Variants in GAK observed in about 807,000 individuals in gnomAD.
The protein encoded by GAK is cyclin-G-associated kinase.
GAK carries 79 observed loss-of-function variants against 143.9 expected under a neutral mutation model. The ratio of observed to expected loss-of-function variants is 0.55; its 90% CI spans 0.46 to 0.66. GAK has a LOEUF of 0.66. Ranked by LOEUF, GAK falls within the 30% of genes least tolerant of loss-of-function variation. The probability of loss-of-function intolerance (pLI) is 0.00; values close to 1 mark genes in which losing one functional copy is unlikely to be tolerated. For missense variants in GAK, 1,693 were observed against 1,779.7 expected (o/e 0.95, Z 0.88); for synonymous variants, 881 against 765.5 (o/e 1.15, Z -2.49).
At chr4:909,569 G>A (rs535482532) in intron 4 of GAK, among the ~76,000 whole-genome samples, 102 of 152,152 alleles carry the variant, frequency 6.7e-4, no homozygotes, top group Middle Eastern at 3.4e-3. Context: ...GGCCCAGCAC[G>A]GACCACACAG....
At chr4:924,819 G>A (rs904530613) in intron 1 of GAK, among the ~76,000 whole-genome samples, 10 of 116,670 alleles carry the variant, frequency 8.6e-5, no homozygotes, top group African/African-American at 3.2e-4. Flanking sequence ...TTGGGTCGTG[G>A]GGGTGGAGTT....
chr4:852,199 G>A, intron 24 of GAK: 2 of 604,430 alleles, frequency 3.3e-6, no homozygotes, highest in Non-Finnish European at 5.9e-6. Flanking sequence ...CTGGATGGAG[G>A]GCAGACACCA....
chr4:888,724 T>C, intron 11 of GAK, 123 bp downstream of exon 11: 1 of 1,208,428 alleles, frequency 8.3e-7, no homozygotes, highest in East Asian at 2.6e-5. Flanking sequence ...GCTGTCCCAC[T>C]GCCTCAGGGG....
chr4:882,086 G>A, intron 14 of GAK, 46 bp from the exon 15 acceptor site: 2 of 1,554,376 alleles, frequency 1.3e-6, no homozygotes, highest in African/African-American at 1.4e-5. Flanking sequence ...ACTCATGCAG[G>A]ACAAGGGCTC....
chr4:867,187 C>T lies in GAK; in HGVS notation c.2641G>A (p.Val881Ile). 6.2e-7 allele frequency: 1 copy of T among 1,609,732 alleles called. No homozygotes were observed. Among genetic ancestry groups the T allele is most frequent in the Non-Finnish European group, 8.5e-7 (1 of 1,177,794 alleles). The part of the protein sequence containing the change: ...LPEPVPQEDG[V>I]DLLGLHSEVG... ...TCGGAGTGCAGGCCCAGGAGGTCGA[C>T]CCCGTCTTCCTGTGGCACAGGCTCT... The change falls in exon 21 of 28, where the codon GTC becomes ATC. Residue 881 changes from valine (V) to isoleucine (I), a missense_variant. By Grantham distance (29) the Val-to-Ile change is conservative. Around this residue, in one of 2 missense-constraint regions of GAK, gnomAD observed 822 missense variants for 788.7 expected, o/e 1.04. Coordinates refer to ENST00000314167, the MANE Select transcript of GAK (RefSeq NM_005255.4).
intron 24 of GAK, among the ~76,000 whole-genome samples, chr4:855,896 A>T (rs1184099480): frequency 6.6e-6 from 1 of 152,212 alleles, no homozygotes; most frequent in East Asian, 1.9e-4. Flanking sequence ...TGGAGGTTGC[A>T]GTGAGCCAAG....
chr4:909,452 G>A (rs971014551), intron 4 of GAK, among the ~76,000 whole-genome samples: 9 of 152,182 alleles, frequency 5.9e-5, no homozygotes, highest in South Asian at 2.1e-4. Context: ...GGGAAGGGCC[G>A]GGTGCGACGT....
intron 12 of GAK, 35 bp downstream of exon 12, chr4:884,002 G>A (rs781570832): frequency 2.5e-5 from 40 of 1,599,638 alleles, no homozygotes; most frequent in Non-Finnish European, 3.0e-5. Flanking sequence ...GGGAAGGGCC[G>A]GGGCGCGTCC....
At chr4:917,026 A>G (rs542235051) in intron 1 of GAK, among the ~76,000 whole-genome samples, 1 of 152,392 alleles carries the variant, frequency 6.6e-6, no homozygotes, top group Non-Finnish European at 1.5e-5. Context: ...ATGCAACAAC[A>G]TGAATAACAC....
At chr4:885,313 T>C (rs749512754) in intron 11 of GAK, among the ~76,000 whole-genome samples, 36 of 152,182 alleles carry the variant, frequency 2.4e-4, no homozygotes, top group Non-Finnish European at 4.3e-4. Context: ...CGGTGGCTCA[T>C]GCCTGTAATC....
intron 23 of GAK, among the ~76,000 whole-genome samples, 160 bp downstream of exon 23, chr4:864,962 T>C (rs957329615): frequency 1.3e-5 from 2 of 152,218 alleles, no homozygotes; most frequent in South Asian, 2.1e-4. Flanking sequence ...GCTGCAGTCA[T>C]ACCACAGCCT....
rs577710779 is a variant in GAK at position 912,339 on chromosome 4, G to C, written c.267+396C>G. On this transcript the variant is annotated intron_variant, in intron 3 of 27. Transcript: ENST00000314167. ...TGGGACAGCCTGAGAAGGGACGAGA[G>C]GGGCGGCTGAGAAGCCACATCGGGG... 1.6e-3 allele frequency: 595 copies of C among 368,726 alleles called. 2 individuals carry two copies. Among genetic ancestry groups the C allele is most frequent in the South Asian group, 3.3e-3 (167 of 50,892 alleles). 22.8% of individuals were successfully genotyped at this position (368,726 alleles called of 1,614,324 possible). A position where few individuals can be genotyped will look rare whatever the true frequency, so the allele number is the denominator to read the frequency against.
chr4:914,556 T>C (rs1577297699), intron 1 of GAK, among the ~76,000 whole-genome samples: 1 of 78,456 alleles, frequency 1.3e-5, no homozygotes, highest in African/African-American at 5.3e-5. Context: ...AGCCCCAGCG[T>C]GCACGGCCCC....
rs1285714914 is a variant in GAK, at chr4:867,375, G to A, written c.2453C>T (p.Ala818Val). 6.3e-7 allele frequency: 1 copy of A among 1,584,372 alleles called. No individual in the cohort carries two copies. The highest frequency in any genetic ancestry group is 8.6e-7 in the Non-Finnish European group (1 of 1,161,766). ...ACTCTCGTCTCTGTCCTCCATCAGG[G>A]CAGACTCGCTCTCCTTGGAAGAGGC... ...ENASSKESES[A>V]LMEDRDESEV... is the part of the protein sequence containing the mutation. The change falls in exon 21 of 28, where the codon GCC becomes GTC. Residue 818 changes from alanine to valine, a missense_variant. Ala to Val is a moderately conservative substitution (Grantham distance 64, BLOSUM62 0). Transcript: ENST00000314167.
chr4:904,690 C>T lies in GAK; in HGVS notation c.472G>A (p.Ala158Thr), dbSNP rs143423428. ...VLKIFYQTCR[A>T]VQHMHRQKPP... ...TTCTGCCGGTGCATGTGCTGCACGG[C>T]GCGGCACGTCTGGTAGAAGATCTTC... is the stretch of plus-strand genomic sequence containing the variant. The change falls in exon 5 of 28, where the codon GCC becomes ACC. Residue 158 changes from alanine (A) to threonine (T), a missense_variant. By Grantham distance (58) the Ala-to-Thr change is moderately conservative. This residue lies in a region of GAK where 871 missense variants were observed against 991.0 expected (regional missense o/e 0.88). Coordinates refer to ENST00000314167, the MANE Select transcript of GAK (RefSeq NM_005255.4). 1 of 1,613,450 alleles carries T rather than the reference C, an allele frequency of 6.2e-7. No individual in the cohort carries two copies. The highest frequency in any genetic ancestry group is 8.5e-7 in the Non-Finnish European group (1 of 1,179,648).
intron 24 of GAK, among the ~76,000 whole-genome samples, chr4:856,551 TCACCAC>T (rs368486903): frequency 7.2e-6 from 1 of 139,794 alleles, no homozygotes; most frequent in South Asian, 2.4e-4. Context: ...TCACACCTGC[TCACCAC>T]CACAGCTGCT....
intron 7 of GAK, chr4:894,701 G>A (rs1718419282): frequency 1.3e-5 from 2 of 152,284 alleles, no homozygotes; most frequent in African/African-American, 4.8e-5. Context: ...GTTCCGTTCA[G>A]GCCGGGCGCA....
At chr4:882,435 A>T (rs1209975166) in intron 14 of GAK, among the ~76,000 whole-genome samples, 1 of 151,210 alleles carries the variant, frequency 6.6e-6, no homozygotes, top group East Asian at 2.0e-4. Flanking sequence ...GCAGGAGGGG[A>T]GGTGGGCTCC....
intron 13 of GAK, 137 bp from the exon 14 acceptor site, chr4:882,956 C>T: frequency 1.8e-6 from 2 of 1,123,414 alleles, no homozygotes; most frequent in Non-Finnish European, 2.5e-6. Flanking sequence ...CTGCGCGAGA[C>T]CTGAGCACCA....
Sources: allele counts gnomAD v4.1 joint callset (sites outside exome capture counted in the v4.1 genomes callset), GRCh38; gene constraint gnomAD v4.1.1; regional missense constraint gnomAD v4.1.1; transcripts MANE v1.5; gene names NCBI Gene and HGNC (gene_info 2026-07-23, HGNC 2026-07-21).